PWWP3A: variants seen among roughly 807,000 people sequenced by gnomAD.
The protein encoded by PWWP3A is PWWP domain-containing DNA repair factor 3A.
A neutral mutation model predicts 79.0 loss-of-function variants in PWWP3A; 53 were observed. The observed-to-expected ratio is 0.67, with a 90% CI of 0.54 to 0.84. The LOEUF (loss-of-function observed/expected upper bound fraction) is 0.84. PWWP3A is among the 40% of genes least tolerant of loss of function. The pLI is 0.00. For synonymous variants in PWWP3A, 443 were observed against 394.4 expected (o/e 1.12, Z -1.46); for missense variants, 973 against 948.0 (o/e 1.03, Z -0.35).
rs1400332521 is a variant in PWWP3A at position 1,360,313 on chromosome 19, G to A, written c.392G>A (p.Cys131Tyr). Residue 131 changes from cysteine (C) to tyrosine (Y), a missense_variant, in exon 5 of 14, where the codon TGT becomes TAT. By Grantham distance (194) the Cys-to-Tyr change is radical. Coordinates refer to ENST00000591337, the MANE Select transcript of PWWP3A (RefSeq NM_001369789.1). The surrounding 1 kb of genome is among the most constrained non-coding windows in gnomAD (Gnocchi z 4.4). The part of the protein sequence containing the change: ...GKPMEHVSSP[C>Y]DSNSSSLPRG... Reference sequence around the variant, plus strand: ...CCCATGGAGCATGTCTCCTCGCCCTGTGATTCGAACTCCTCATCTCTTCCC... The same window carrying A: ...CCCATGGAGCATGTCTCCTCGCCCTATGATTCGAACTCCTCATCTCTTCCC... The A allele has an allele frequency of 1.2e-6, 2 of 1,613,778 alleles. No homozygotes were observed. The highest frequency in any genetic ancestry group is 2.7e-5 in the African/African-American group (2 of 74,942).
At chr19:1,355,911 C>T (rs2081850846) in intron 1 of PWWP3A, among the ~76,000 whole-genome samples, 1 of 152,004 alleles carries the variant, frequency 6.6e-6, no homozygotes, top group Admixed American at 6.6e-5. Flanking sequence ...AAAGAGCAGT[C>T]GTTTTTCCGC....
intron 6 of PWWP3A, among the ~76,000 whole-genome samples, chr19:1,363,189 G>T (rs2082057310): frequency 6.6e-6 from 1 of 152,242 alleles, no homozygotes; most frequent in Admixed American, 6.5e-5. Context: ...ACACTTGCGT[G>T]CCGGTGGCCT....
In PWWP3A at chr19:1,370,953, G is replaced by C; in HGVS notation, c.1861G>C (p.Asp621His). The C allele has an allele frequency of 6.4e-7, 1 of 1,558,346 alleles. No individual in the cohort carries two copies. The highest frequency in any genetic ancestry group is 8.7e-7 in the Non-Finnish European group (1 of 1,150,606). Reference protein sequence around the residue: ...YVTCVETYLEDEGQLDLVVKY... With the variant: ...YVTCVETYLEHEGQLDLVVKY... ...GACCTGTGTGGAGACCTACCTGGAG[G>C]ATGAGGGGCAGCTGGACCTGGTGGT... Residue 621 changes from aspartate (D) to histidine (H), a missense_variant, in exon 12 of 14, where the codon GAT (aspartate) becomes CAT (histidine). Coordinates refer to ENST00000591337, the MANE Select transcript of PWWP3A (RefSeq NM_001369789.1).
intron 8 of PWWP3A, 53 bp downstream of exon 8, chr19:1,366,434 G>C: frequency 6.6e-7 from 1 of 1,521,338 alleles, no homozygotes; most frequent in Non-Finnish European, 9.1e-7. Flanking sequence ...CAGGCCGGCC[G>C]CTCTCAGAGT....
In PWWP3A at chr19:1,373,140, G is replaced by C. The variant is rs1568960033; in HGVS notation, c.2055G>C (p.Lys685Asn). The C allele has an allele frequency of 1.2e-6, 2 of 1,614,184 alleles. No homozygotes were observed. The highest frequency in any genetic ancestry group is 1.7e-6 in the Non-Finnish European group (2 of 1,180,016). ...DYKTAEEKYIKGPSLSYREKE... is the reference protein window; with the variant it reads ...DYKTAEEKYINGPSLSYREKE... ...AGACGGCTGAGGAGAAGTACATCAA[G>C]GGGCCTTCGCTGAGCTACCGGTAGG... Residue 685 changes from lysine to asparagine, a missense_variant, in exon 13 of 14, where the codon AAG (lysine) becomes AAC (asparagine). By Grantham distance (94) the Lys-to-Asn change is moderately conservative (BLOSUM62 0). Coordinates refer to ENST00000591337, the MANE Select transcript of PWWP3A (RefSeq NM_001369789.1).
Position 1,376,902 on chromosome 19 carries a change from A to T in PWWP3A, c.*326A>T, listed in dbSNP as rs1254746197. On this transcript the variant is annotated 3_prime_UTR_variant, in exon 14 of 14. Coordinates refer to ENST00000591337, the MANE Select transcript of PWWP3A (RefSeq NM_001369789.1). Reference sequence around the variant, plus strand: ...TGTGCTGTGGTTTCTCCCGACGTGCACATCGATCTCGTATGTGTGGCATCT... The same window carrying T: ...TGTGCTGTGGTTTCTCCCGACGTGCTCATCGATCTCGTATGTGTGGCATCT... 2 of 233,462 alleles carry T rather than the reference A, an allele frequency of 8.6e-6. No homozygotes were observed. The highest frequency in any genetic ancestry group is 1.6e-5 in the Non-Finnish European group (2 of 121,488). 14.5% of individuals were successfully genotyped at this position (233,462 alleles called of 1,614,324 possible).
intron 1 of PWWP3A, among the ~76,000 whole-genome samples, chr19:1,356,076 G>T (rs2081856270): frequency 6.6e-6 from 1 of 152,170 alleles, no homozygotes. Flanking sequence ...AACTGATCTA[G>T]ATAGAACCTT....
chr19:1,366,575 G>T (rs1052023975), intron 8 of PWWP3A, among the ~76,000 whole-genome samples, 194 bp downstream of exon 8: 1 of 150,034 alleles, frequency 6.7e-6, no homozygotes, highest in Non-Finnish European at 1.5e-5. Context: ...GGGTGAGTCA[G>T]ACAGAGGCTG....
chr19:1,377,698 C>T lies in PWWP3A; in HGVS notation c.*1122C>T, dbSNP rs955621599. 2 of 152,354 alleles carry T rather than the reference C, an allele frequency of 1.3e-5. No individual in the cohort carries two copies. The highest frequency in any genetic ancestry group is 2.4e-5 in the African/African-American group (1 of 41,474). The allele number at this position is 152,354 out of a possible 1,614,324, so 9.4% of individuals were successfully genotyped here. ...TCTCAGTGGATGCTCCAGGCTGTGC[C>T]TACACAGCAGTGCTGGTGACATGTC... On this transcript the variant is annotated 3_prime_UTR_variant, in exon 14 of 14. Transcript: ENST00000591337.
chr19:1,360,407 T>G lies in PWWP3A; in HGVS notation c.486T>G (p.Ser162Arg), dbSNP rs1208860365. 49 of 1,613,958 alleles carry G rather than the reference T, an allele frequency of 3.0e-5. No individual in the cohort carries two copies. The highest frequency in any genetic ancestry group is 4.2e-5 in the Non-Finnish European group (49 of 1,180,034). Residue 162 changes from serine (S) to arginine (R), a missense_variant, in exon 5 of 14, where the codon AGT (serine) becomes AGG (arginine). Physicochemically the swap from Ser to Arg is moderately radical, Grantham distance 110. Coordinates refer to ENST00000591337, the MANE Select transcript of PWWP3A (RefSeq NM_001369789.1). The surrounding 1 kb of genome is among the most constrained non-coding windows in gnomAD (Gnocchi z 4.4). ...RRPCVQQSLS[S>R]SFTCEKDPEC... Reference sequence around the variant, plus strand: ...CATGTGTGCAACAAAGCCTGTCAAGTTCGTTCACTTGTGAAAAGGACCCCG... The same window carrying G: ...CATGTGTGCAACAAAGCCTGTCAAGGTCGTTCACTTGTGAAAAGGACCCCG...
At position 1,370,807 on chromosome 19, in the gene PWWP3A, A is replaced by T. The variant is rs779142510; in HGVS notation, c.1715A>T (p.Asn572Ile). 1 of 1,565,334 alleles carries T rather than the reference A, an allele frequency of 6.4e-7. No individual in the cohort carries two copies. Among genetic ancestry groups the T allele is most frequent in the Admixed American group, 1.9e-5 (1 of 53,128 alleles). The stretch of plus-strand genomic sequence containing the variant: ...TCGCGGGCCGCCCGGGACCGGGCCA[A>T]CCAGAAGCTGGTGGAGTACATTGTG... ...DRSRAARDRA[N>I]QKLVEYIVKA... The change falls in exon 12 of 14, where the codon AAC (asparagine) becomes ATC (isoleucine). Residue 572 changes from asparagine to isoleucine, a missense_variant. Asn to Ile is a moderately radical substitution (Grantham distance 149). Transcript: ENST00000591337.
rs762988876 is a variant in PWWP3A, at chr19:1,371,093, G to A, written c.1986+15G>A. On this transcript the variant is annotated intron_variant, in intron 12 of 13. Coordinates refer to ENST00000591337, the MANE Select transcript of PWWP3A (RefSeq NM_001369789.1). ...TTCTGCCCGAGGTGAGCCGCGGACC[G>A]GCGTGTCACGTGGGCAGGGAGGGGC... 1.4e-5 allele frequency: 22 copies of A among 1,552,242 alleles called. 1 individual carries two copies. Among genetic ancestry groups the A allele is most frequent in the South Asian group, 1.2e-4 (10 of 84,252 alleles).
At position 1,360,944 on chromosome 19, in the gene PWWP3A, C is replaced by A; in HGVS notation, c.1023C>A (p.Ser341Arg). The stretch of plus-strand genomic sequence containing the variant: ...CCAGAGAGTCTGTGACCCCGCGCAG[C>A]ACCGCCAGGCTGGGCCCGCCTCCCT... Reference protein sequence around the residue: ...PGPRESVTPRSTARLGPPPSH... With the variant: ...PGPRESVTPRRTARLGPPPSH... The change falls in exon 5 of 14, where the codon AGC becomes AGA. Residue 341 changes from serine (S) to arginine (R), a missense_variant. Transcript: ENST00000591337. The surrounding 1 kb of genome is among the most constrained non-coding windows in gnomAD (Gnocchi z 4.4). The A allele has an allele frequency of 6.7e-7, 1 of 1,499,532 alleles. No homozygotes were observed. Among genetic ancestry groups the A allele is most frequent in the Non-Finnish European group, 8.9e-7 (1 of 1,123,958 alleles). The allele number at this position is 1,499,532 out of a possible 1,614,324, so 92.9% of individuals were successfully genotyped here. A position where few individuals can be genotyped will look rare whatever the true frequency, so the allele number is the denominator to read the frequency against.
At chr19:1,373,502 G>C (rs1039305159) in intron 13 of PWWP3A, 1 of 292,380 alleles carries the variant, frequency 3.4e-6, no homozygotes, top group African/African-American at 2.2e-5. Flanking sequence ...GGCTGTGTGA[G>C]AAATACAGCA....
rs1171816083 is a variant in PWWP3A at position 1,361,037 on chromosome 19, A to G, written c.1111+5A>G. On this transcript the variant is annotated splice_donor_5th_base_variant and intron_variant, in intron 5 of 13. Transcript: ENST00000591337. ...ATTCCCAGAAGCTGGAGAAAGGTAA[A>G]AGTTTCTCGTGGAGGAGGAGAGCGC... 2.3e-5 allele frequency: 33 copies of G among 1,424,124 alleles called. No homozygotes were observed. The highest frequency in any genetic ancestry group is 3.0e-5 in the African/African-American group (2 of 67,392). 88.2% of individuals were successfully genotyped at this position (1,424,124 alleles called of 1,614,324 possible). A position where few individuals can be genotyped will look rare whatever the true frequency, so the allele number is the denominator to read the frequency against.
In PWWP3A at chr19:1,368,375, C is replaced by G. The variant is rs575365254; in HGVS notation, c.1423-890C>G. On this transcript the variant is annotated intron_variant, in intron 9 of 13. Coordinates refer to ENST00000591337, the MANE Select transcript of PWWP3A (RefSeq NM_001369789.1). The surrounding 1 kb of genome is among the most constrained non-coding windows in gnomAD (Gnocchi z 4.7). ...CCCGCTTCTTCTTCCTAAGAGTGCG[C>G]TCACATCTGCTTGTGAGTCAGGTAT... 6.6e-6 allele frequency among the ~76,000 whole-genome samples: 1 copy of G among 152,198 alleles called. No homozygotes were observed. Among genetic ancestry groups the G allele is most frequent in the Non-Finnish European group, 1.5e-5 (1 of 68,038 alleles).
At chr19:1,362,458 AG>A (rs1282326273) in intron 6 of PWWP3A, 107 bp downstream of exon 6, 1 of 794,180 alleles carries the variant, frequency 1.3e-6, no homozygotes, top group African/African-American at 1.7e-5. Flanking sequence ...GTCTCCTGCG[AG>A]TTCATTTCTC....
In PWWP3A at chr19:1,370,850, G is replaced by A. The variant is rs1385555151; in HGVS notation, c.1758G>A (p.Glu586=). 4 of 1,567,230 alleles carry A rather than the reference G, an allele frequency of 2.6e-6. No homozygotes were observed. In the African/African-American group the frequency reaches 4.1e-5, roughly 16 times the overall value. Residue 586 remains glutamate, a synonymous_variant, in exon 12 of 14, where the codon GAG becomes GAA. Coordinates refer to ENST00000591337, the MANE Select transcript of PWWP3A (RefSeq NM_001369789.1). ...ACATTGTGAAGGCCAAGGGCGCGGA[G>A]AGCCACCTGCGGGCCATCCTAAAGA... ...VEYIVKAKGA[E]SHLRAILKSR...
chr19:1,360,633 G>T lies in PWWP3A; in HGVS notation c.712G>T (p.Asp238Tyr). 6.2e-7 allele frequency: 1 copy of T among 1,613,688 alleles called. No individual in the cohort carries two copies. The highest frequency in any genetic ancestry group is 8.5e-7 in the Non-Finnish European group (1 of 1,179,692). ...CLNGSSLSEDDTERDMGSKGG... is the reference protein window; with the variant it reads ...CLNGSSLSEDYTERDMGSKGG... ...GAATGGATCTTCCCTTTCAGAGGAC[G>T]ACACGGAGAGAGACATGGGGAGCAA... The change falls in exon 5 of 14, where the codon GAC (aspartate) becomes TAC (tyrosine). Residue 238 changes from aspartate to tyrosine, a missense_variant. Asp to Tyr is a radical substitution (Grantham distance 160). Coordinates refer to ENST00000591337, the MANE Select transcript of PWWP3A (RefSeq NM_001369789.1). The surrounding 1 kb of genome is among the most constrained non-coding windows in gnomAD (Gnocchi z 4.4).
Sources: allele counts gnomAD v4.1 joint callset (sites outside exome capture counted in the v4.1 genomes callset), GRCh38; gene constraint gnomAD v4.1.1; non-coding constraint Gnocchi (gnomAD v3.1); transcripts MANE v1.5; gene names NCBI Gene and HGNC (gene_info 2026-07-23, HGNC 2026-07-21).